RPGRIP1L: variants seen among roughly 807,000 people sequenced by gnomAD.
RPGRIP1L encodes the protein protein fantom.
RPGRIP1L carries 131 observed loss-of-function variants against 160.4 expected under a neutral mutation model. The observed-to-expected ratio is 0.82, with a 90% CI of 0.71 to 0.94. The LOEUF (loss-of-function observed/expected upper bound fraction) is 0.94. Ranked by LOEUF, RPGRIP1L falls within the 40% of genes least tolerant of loss-of-function variation. The pLI is 0.00. For synonymous variants in RPGRIP1L, 510 were observed against 515.8 expected, an observed-to-expected ratio of 0.99 and a Z score of 0.15; for missense variants, 1,522 against 1,535.8, an observed-to-expected ratio of 0.99 and a Z score of 0.15.
chr16:53,685,143 T>A (rs1452519630), intron 6 of RPGRIP1L, among the ~76,000 whole-genome samples: 1 of 151,480 alleles, frequency 6.6e-6, no homozygotes, highest in African/African-American at 2.4e-5. Context: ...ATTAGAGAAA[T>A]GCAAGCCAAA....
rs1259042963 is a variant in RPGRIP1L at position 53,600,815 on chromosome 16, T to C, written c.*1261A>G. The C allele has an allele frequency of 6.6e-6, 1 of 152,616 alleles. No individual in the cohort carries two copies. The highest frequency in any genetic ancestry group is 1.5e-5 in the Non-Finnish European group (1 of 68,030). 9.5% of individuals were successfully genotyped at this position (152,616 alleles called of 1,614,324 possible). A position where few individuals can be genotyped will look rare whatever the true frequency, so the allele number is the denominator to read the frequency against. ...TTTAATCACACAAAGAGGGAATGCC[T>C]AATTCTCTAAATGAAATGGTCTGTG... On this transcript the variant is annotated 3_prime_UTR_variant, in exon 27 of 27. Coordinates refer to ENST00000647211, the MANE Select transcript of RPGRIP1L (RefSeq NM_015272.5).
At chr16:53,624,236 T>A (rs1193254622) in intron 22 of RPGRIP1L, among the ~76,000 whole-genome samples, 1 of 152,204 alleles carries the variant, frequency 6.6e-6, no homozygotes, top group East Asian at 1.9e-4. Flanking sequence ...AAGCTGCAGG[T>A]ATTATTGCCT....
Position 53,692,211 on chromosome 16 carries a change from G to C in RPGRIP1L, c.384C>G (p.Thr128=), listed in dbSNP as rs2151352728. 2.5e-6 allele frequency: 4 copies of C among 1,613,956 alleles called. No homozygotes were observed. Among genetic ancestry groups the C allele is most frequent in the Non-Finnish European group, 3.4e-6 (4 of 1,180,016 alleles). Residue 128 remains threonine, a synonymous_variant, in exon 4 of 27, where the codon ACC becomes ACG. Transcript: ENST00000647211. ...TGGCTGAAATCAGTCTGTTTTTGAG[G>C]GTTTCATTTTGTTTTTCAAGCTCAT... The part of the protein sequence containing the change: ...KVHELEKQNE[T]LKNRLISAKQ...
At chr16:53,700,379 T>G (rs1971296544) in intron 2 of RPGRIP1L, among the ~76,000 whole-genome samples, 1 of 152,206 alleles carries the variant, frequency 6.6e-6, no homozygotes, top group Admixed American at 6.5e-5. Flanking sequence ...TCTACTGATG[T>G]GAGGAATTTT....
intron 2 of RPGRIP1L, among the ~76,000 whole-genome samples, chr16:53,698,782 C>A (rs535469497): frequency 2.4e-3 from 366 of 150,626 alleles, no homozygotes; most frequent in South Asian, 0.012. Flanking sequence ...GTCAGCCCCC[C>A]ACCCGGCCAG....
chr16:53,642,855 T>TG (rs1966322236), intron 17 of RPGRIP1L, among the ~76,000 whole-genome samples: 1 of 152,170 alleles, frequency 6.6e-6, no homozygotes, highest in African/African-American at 2.4e-5. Context: ...CCCAGAGGCA[T>TG]CGTTAAAAAC....
chr16:53,672,818 A>C, intron 8 of RPGRIP1L, 52 bp downstream of exon 8: 3 of 1,532,294 alleles, frequency 2.0e-6, no homozygotes, highest in Non-Finnish European at 2.7e-6. Flanking sequence ...TTTTCAAAAC[A>C]GTTACCAAGA....
chr16:53,641,228 A>T (rs1311446863), intron 18 of RPGRIP1L, 57 bp downstream of exon 18: 2 of 1,560,712 alleles, frequency 1.3e-6, no homozygotes, highest in Non-Finnish European at 1.8e-6. Flanking sequence ...CTTAGTTCTT[A>T]AGCTTTATAT....
At chr16:53,641,500 T>A in intron 17 of RPGRIP1L, 25 bp from the exon 18 acceptor site, 2 of 1,589,392 alleles carry the variant, frequency 1.3e-6, no homozygotes, top group Non-Finnish European at 1.7e-6. Flanking sequence ...TAATTTTAAT[T>A]AATGCTAGAG....
rs1171959214 is a variant in RPGRIP1L at position 53,658,434 on chromosome 16, CA to C, written c.1380del (p.Ser460ArgfsTer7). The C allele has an allele frequency of 6.2e-7, 1 of 1,611,522 alleles. No homozygotes were observed. On this transcript the variant is annotated frameshift_variant, in exon 12 of 27. Coordinates refer to ENST00000647211, the MANE Select transcript of RPGRIP1L (RefSeq NM_015272.5). LOFTEE classifies it high-confidence loss of function. ...QENDINADELSEALLLIKAQK... is the reference protein window; with the variant it reads ...QENDINADELXEALLLIKAQK... ...CTTACCTTTATAAGTAGGAGAGCTT[CA>C]CTCAATTCATCAGCATTAATATCAT...
chr16:53,599,773 C>T lies in RPGRIP1L; in HGVS notation c.*2303G>A, dbSNP rs936529294. 1 of 152,174 alleles carries T rather than the reference C, an allele frequency of 6.6e-6. No homozygotes were observed. Among genetic ancestry groups the T allele is most frequent in the Non-Finnish European group, 1.5e-5 (1 of 68,030 alleles). 9.4% of individuals were successfully genotyped at this position (152,174 alleles called of 1,614,324 possible). On this transcript the variant is annotated 3_prime_UTR_variant, in exon 27 of 27. Coordinates refer to ENST00000647211, the MANE Select transcript of RPGRIP1L (RefSeq NM_015272.5). The stretch of plus-strand genomic sequence containing the variant: ...CACAAGATAAAACAAACAAAATTCT[C>T]AAACAGATTATGAAACCCAACTGAA...
In RPGRIP1L at chr16:53,641,353, T is replaced by A. The variant is rs763369161; in HGVS notation, c.2806A>T (p.Ile936Phe). The A allele has an allele frequency of 1.2e-6, 2 of 1,614,136 alleles. No individual in the cohort carries two copies. Among genetic ancestry groups the A allele is most frequent in the Non-Finnish European group, 1.7e-6 (2 of 1,180,002 alleles). ...SITTEDLGNFIRSEEPEVVQR... is the reference protein window; with the variant it reads ...SITTEDLGNFFRSEEPEVVQR... Reference sequence around the variant, plus strand: ...ACAACTTCTGGCTCTTCGCTGCGAATGAAATTTCCTAAGTCTTCAGTTGTT... The same window carrying A: ...ACAACTTCTGGCTCTTCGCTGCGAAAGAAATTTCCTAAGTCTTCAGTTGTT... Residue 936 changes from isoleucine to phenylalanine, a missense_variant, in exon 18 of 27, where the codon ATT (isoleucine) becomes TTT (phenylalanine). Ile to Phe is a conservative substitution (Grantham distance 21). Transcript: ENST00000647211.
At chr16:53,654,067 G>T (rs777511500) in intron 14 of RPGRIP1L, among the ~76,000 whole-genome samples, 1 of 152,200 alleles carries the variant, frequency 6.6e-6, no homozygotes, top group South Asian at 2.1e-4. Context: ...AGGTTCAAAC[G>T]ATTCTCCTGA....
chr16:53,639,379 G>T (rs182726387), intron 19 of RPGRIP1L, among the ~76,000 whole-genome samples: 1 of 151,768 alleles, frequency 6.6e-6, no homozygotes, highest in Non-Finnish European at 1.5e-5. Flanking sequence ...AATATATCCT[G>T]TTGCATTTAA....
intron 23 of RPGRIP1L, among the ~76,000 whole-genome samples, chr16:53,621,508 A>G (rs1046922271): frequency 6.6e-6 from 1 of 150,676 alleles, no homozygotes; most frequent in African/African-American, 2.4e-5. Context: ...TCTGACCAAT[A>G]CACCTGGCAG....
Position 53,687,975 on chromosome 16 carries a change from A to G in RPGRIP1L, c.530-10T>C. 2 of 1,459,786 alleles carry G rather than the reference A, an allele frequency of 1.4e-6. No individual in the cohort carries two copies. Among genetic ancestry groups the G allele is most frequent in the Non-Finnish European group, 1.9e-6 (2 of 1,040,396 alleles). 90.4% of individuals were successfully genotyped at this position (1,459,786 alleles called of 1,614,324 possible). On this transcript the variant is annotated splice_polypyrimidine_tract_variant and intron_variant, in intron 4 of 26. Transcript: ENST00000647211. ...TCTTGGAATTTTATACCTAAAAACA[A>G]AGTAATAAAATATGATTACAGAATT...
chr16:53,646,662 T>C (rs1005298738), intron 16 of RPGRIP1L, among the ~76,000 whole-genome samples: 5 of 152,176 alleles, frequency 3.3e-5, no homozygotes, highest in Non-Finnish European at 5.9e-5. Context: ...AGAAAAGTAT[T>C]GTGCTGACTG....
intron 6 of RPGRIP1L, among the ~76,000 whole-genome samples, chr16:53,680,345 C>T (rs1434976375): frequency 6.6e-6 from 1 of 152,004 alleles, no homozygotes; most frequent in Non-Finnish European, 1.5e-5. Context: ...TCCCAGTTAC[C>T]CCTCCATCAG....
chr16:53,627,846 T>C (rs1393108855), intron 22 of RPGRIP1L, among the ~76,000 whole-genome samples: 2 of 146,732 alleles, frequency 1.4e-5, no homozygotes, highest in South Asian at 4.3e-4. Context: ...ATATAATCTA[T>C]AGTACATTTA....
Sources: allele counts gnomAD v4.1 joint callset (sites outside exome capture counted in the v4.1 genomes callset), GRCh38; gene constraint gnomAD v4.1.1; transcripts MANE v1.5; gene names NCBI Gene and HGNC (gene_info 2026-07-23, HGNC 2026-07-21).